RAPGEF4: variants seen among roughly 807,000 people sequenced by gnomAD.
RAPGEF4 encodes the protein RAP guanine-nucleotide-exchange factor (GEF) 4.
A neutral mutation model predicts 147.9 loss-of-function variants in RAPGEF4; 66 were observed. That is an observed-to-expected ratio of 0.45 (90% CI 0.37 to 0.55). RAPGEF4 has a LOEUF of 0.55. Among genes scored for constraint, RAPGEF4 ranks in the 20% least tolerant of loss-of-function variants. The pLI, the probability that RAPGEF4 is intolerant of heterozygous loss-of-function variation, is 0.00. For synonymous variants in RAPGEF4, 419 were observed against 442.7 expected (o/e 0.95, Z 0.67); for missense variants, 1,071 against 1,257.3 (o/e 0.85, Z 2.24).
chr2:172,776,804 A>G (rs1266847131), intron 1 of RAPGEF4, among the ~76,000 whole-genome samples: 3 of 151,958 alleles, frequency 2.0e-5, no homozygotes, highest in African/African-American at 7.2e-5. Flanking sequence ...TATTTACTTC[A>G]CTACTGATAT....
intron 6 of RAPGEF4, among the ~76,000 whole-genome samples, chr2:172,937,037 C>CAAAAA (rs34104170): frequency 0.019 from 1,000 of 52,422 alleles, 117 homozygotes; most frequent in Middle Eastern, 0.053. Flanking sequence ...CCTCTCTCTG[C>CAAAAA]AAAAAAAAAA....
intron 3 of RAPGEF4, among the ~76,000 whole-genome samples, chr2:172,800,937 G>A (rs1234939777): frequency 1.3e-5 from 2 of 152,226 alleles, no homozygotes; most frequent in Non-Finnish European, 2.9e-5. Context: ...GGGAAATGGG[G>A]TTGGGTGAAG....
At chr2:172,748,415 G>C (rs1694963703) in intron 1 of RAPGEF4, among the ~76,000 whole-genome samples, 1 of 152,174 alleles carries the variant, frequency 6.6e-6, no homozygotes, top group East Asian at 1.9e-4. Flanking sequence ...TGAAAGGCAT[G>C]TCTTACATTA....
At chr2:172,866,376 G>T (rs1694650371) in intron 4 of RAPGEF4, among the ~76,000 whole-genome samples, 1 of 152,046 alleles carries the variant, frequency 6.6e-6, no homozygotes, top group East Asian at 1.9e-4. Flanking sequence ...TATAGCATTT[G>T]ACATTGTGGA....
intron 26 of RAPGEF4, among the ~76,000 whole-genome samples, chr2:173,032,359 C>T (rs1186642903): frequency 6.6e-6 from 1 of 152,158 alleles, no homozygotes; most frequent in Non-Finnish European, 1.5e-5. Flanking sequence ...CTATTGAAAA[C>T]ACTGCTCTAG....
chr2:173,024,438 C>G (rs559464326), intron 23 of RAPGEF4, among the ~76,000 whole-genome samples: 1 of 140,660 alleles, frequency 7.1e-6, no homozygotes, highest in Non-Finnish European at 1.6e-5. Flanking sequence ...AGGATGGTCT[C>G]GATCTCCTGA....
chr2:172,855,699 TATAGAATTCTAGCTTGACAA>T (rs1379660525), intron 4 of RAPGEF4, among the ~76,000 whole-genome samples: 28 of 152,192 alleles, frequency 1.8e-4, no homozygotes, highest in Non-Finnish European at 3.2e-4. Context: ...TTTTGTTGGA[TATAGAATTCTAGCTTGACAA>T]ATAGAATTCT....
intron 4 of RAPGEF4, among the ~76,000 whole-genome samples, chr2:172,882,947 A>G (rs1368338282): frequency 6.6e-6 from 1 of 152,078 alleles, no homozygotes; most frequent in Non-Finnish European, 1.5e-5. Flanking sequence ...CAATTGTTGC[A>G]TTTACTCATG....
intron 17 of RAPGEF4, among the ~76,000 whole-genome samples, chr2:173,013,833 T>C (rs7584269): frequency 8.2e-4 from 125 of 152,296 alleles, no homozygotes; most frequent in East Asian, 7.1e-3. Flanking sequence ...AAGTCATGGT[T>C]CTACACAAGA....
intron 1 of RAPGEF4, among the ~76,000 whole-genome samples, chr2:172,744,998 C>T (rs1188346198): frequency 2.0e-5 from 3 of 152,080 alleles, no homozygotes; most frequent in African/African-American, 7.2e-5. Context: ...TTACTTTATT[C>T]AACTTACTAA....
intron 10 of RAPGEF4, among the ~76,000 whole-genome samples, chr2:172,970,159 A>G (rs533271725): frequency 6.7e-6 from 1 of 149,654 alleles, no homozygotes; most frequent in Admixed American, 6.8e-5. Context: ...TTCCAACTCT[A>G]CATGTACATA....
intron 6 of RAPGEF4, among the ~76,000 whole-genome samples, chr2:172,955,380 T>C (rs961455829): frequency 2.0e-5 from 3 of 152,174 alleles, no homozygotes; most frequent in Non-Finnish European, 4.4e-5. Context: ...TACAAGGCAG[T>C]AGAAAGAGCA....
At chr2:172,813,909 A>C (rs577906605) in intron 3 of RAPGEF4, among the ~76,000 whole-genome samples, 43 of 152,326 alleles carry the variant, frequency 2.8e-4, no homozygotes, top group Non-Finnish European at 4.7e-4. Context: ...GGATCCATGC[A>C]ACAACATGGA....
Position 172,960,659 on chromosome 2 carries a change from G to A in RAPGEF4, c.538-101G>A, listed in dbSNP as rs1689191204. 6.1e-6 allele frequency: 5 copies of A among 818,286 alleles called. 1 individual carries two copies. The South Asian group carries it at 9.2e-5, about 15-fold the overall frequency. 50.7% of individuals were successfully genotyped at this position (818,286 alleles called of 1,614,324 possible). On this transcript the variant is annotated intron_variant, in intron 6 of 30. Coordinates refer to ENST00000397081, the MANE Select transcript of RAPGEF4 (RefSeq NM_007023.4). ...CTTATTTTTTTAAATTATATTTTGA[G>A]TTTTATAAAAAATGGATGTTTCTTA... is the stretch of plus-strand genomic sequence containing the variant.
At chr2:173,000,426 T>A (rs890804313) in intron 16 of RAPGEF4, among the ~76,000 whole-genome samples, 2 of 152,232 alleles carry the variant, frequency 1.3e-5, no homozygotes, top group African/African-American at 4.8e-5. Flanking sequence ...CCGGGAAATG[T>A]CATGGCATCT....
intron 4 of RAPGEF4, among the ~76,000 whole-genome samples, chr2:172,851,084 T>G (rs747761543): frequency 6.6e-6 from 1 of 152,234 alleles, no homozygotes; most frequent in Non-Finnish European, 1.5e-5. Context: ...TGTTTAGCAC[T>G]ATAAACTTTC....
chr2:172,925,953 G>A (rs911319786), intron 6 of RAPGEF4, among the ~76,000 whole-genome samples: 11 of 129,066 alleles, frequency 8.5e-5, no homozygotes, highest in African/African-American at 3.2e-4. Context: ...AAGGAAGGAG[G>A]GGGAGGGGGA....
intron 8 of RAPGEF4, among the ~76,000 whole-genome samples, chr2:172,964,724 C>A (rs1689651459): frequency 6.6e-6 from 1 of 152,200 alleles, no homozygotes; most frequent in Non-Finnish European, 1.5e-5. Flanking sequence ...TGAGCCATCA[C>A]TAGGACTTCA....
intron 6 of RAPGEF4, among the ~76,000 whole-genome samples, chr2:172,946,211 A>G (rs1687664376): frequency 6.6e-6 from 1 of 152,208 alleles, no homozygotes. Context: ...AATTTTATAT[A>G]AAGTATGATT....
Sources: allele counts gnomAD v4.1 joint callset (sites outside exome capture counted in the v4.1 genomes callset), GRCh38; gene constraint gnomAD v4.1.1; transcripts MANE v1.5; gene names NCBI Gene and HGNC (gene_info 2026-07-23, HGNC 2026-07-21).